TAFA2: variants seen among roughly 807,000 people sequenced by gnomAD.
TAFA2 encodes TAFA chemokine like family member 2.
A neutral mutation model predicts 18.8 loss-of-function variants in TAFA2; 7 were observed. The observed-to-expected ratio is 0.37, with a 90% confidence interval of 0.21 to 0.70. TAFA2 has a LOEUF of 0.70. Among genes scored for constraint, TAFA2 ranks in the 30% least tolerant of loss-of-function variants. The probability of loss-of-function intolerance (pLI) is 0.53; values close to 1 mark genes in which losing one functional copy is unlikely to be tolerated. For synonymous variants in TAFA2, 60 were observed against 54.2 expected, an observed-to-expected ratio of 1.11 and a Z score of -0.47; for missense variants, 122 against 158.1, an observed-to-expected ratio of 0.77 and a Z score of 1.23.
At chr12:61,897,362 C>T (rs1875892360) in intron 1 of TAFA2, among the ~76,000 whole-genome samples, 1 of 152,060 alleles carries the variant, frequency 6.6e-6, no homozygotes, top group African/African-American at 2.4e-5. Flanking sequence ...TCTGTAGGTT[C>T]CGCAACCATG....
intron 1 of TAFA2, among the ~76,000 whole-genome samples, chr12:62,157,902 T>A (rs113652538): frequency 1.6e-4 from 24 of 152,296 alleles, no homozygotes; most frequent in African/African-American, 5.8e-4. Context: ...TCTGTCTTGT[T>A]TAGAGCTCTA....
At chr12:61,768,244 A>G (rs1388469784) in intron 2 of TAFA2, among the ~76,000 whole-genome samples, 1 of 152,164 alleles carries the variant, frequency 6.6e-6, no homozygotes, top group African/African-American at 2.4e-5. Context: ...GCTGAACTTC[A>G]TTAATAGTAA....
At chr12:61,948,462 A>T (rs141896937) in intron 1 of TAFA2, among the ~76,000 whole-genome samples, 3 of 152,306 alleles carry the variant, frequency 2.0e-5, no homozygotes, top group African/African-American at 7.2e-5. Context: ...CAATAATGAG[A>T]CACTCCAAGA....
At chr12:62,174,006 T>C (rs1287368552) in intron 1 of TAFA2, among the ~76,000 whole-genome samples, 2 of 152,106 alleles carry the variant, frequency 1.3e-5, no homozygotes, top group African/African-American at 4.8e-5. Flanking sequence ...AATAAGAAAA[T>C]GTTGGCCAGG....
intron 2 of TAFA2, among the ~76,000 whole-genome samples, chr12:61,782,355 C>A (rs1259285832): frequency 1.3e-5 from 2 of 151,818 alleles, no homozygotes; most frequent in African/African-American, 2.4e-5. Flanking sequence ...ATCTTGGTCC[C>A]CACAACCCCT....
intron 4 of TAFA2, among the ~76,000 whole-genome samples, chr12:61,746,786 A>G (rs1868729899): frequency 6.6e-6 from 1 of 152,148 alleles, no homozygotes; most frequent in Non-Finnish European, 1.5e-5. Flanking sequence ...CTCTGACCAG[A>G]ATTCAGAATA....
In TAFA2 at chr12:62,191,536, T is replaced by C. The variant is rs2062624780; in HGVS notation, c.-279A>G. The C allele has an allele frequency of 6.6e-6, 1 of 152,274 alleles. No homozygotes were observed. The highest frequency in any genetic ancestry group is 2.1e-4 in the South Asian group (1 of 4,842). 9.4% of individuals were successfully genotyped at this position (152,274 alleles called of 1,614,324 possible). A position where few individuals can be genotyped will look rare whatever the true frequency, so the allele number is the denominator to read the frequency against. On this transcript the variant is annotated 5_prime_UTR_variant, in exon 1 of 5. Coordinates refer to ENST00000416284, the MANE Select transcript of TAFA2 (RefSeq NM_178539.5). Reference sequence around the variant, plus strand: ...TCTGACATCCAAGCTGGAATCCCCCTGAAGCGGGTGAAGGTGAGCCTGATC... The same window carrying C: ...TCTGACATCCAAGCTGGAATCCCCCCGAAGCGGGTGAAGGTGAGCCTGATC...
chr12:62,032,307 T>A (rs1881481093), intron 1 of TAFA2, among the ~76,000 whole-genome samples: 1 of 152,196 alleles, frequency 6.6e-6, no homozygotes, highest in Non-Finnish European at 1.5e-5. Flanking sequence ...CTCAATTTCA[T>A]TCAACCCAGA....
At chr12:62,105,649 T>A (rs1055911105) in intron 1 of TAFA2, among the ~76,000 whole-genome samples, 1 of 152,226 alleles carries the variant, frequency 6.6e-6, no homozygotes, top group East Asian at 1.9e-4. Context: ...CTGATACATT[T>A]GGCTGATGAC....
chr12:61,784,558 A>G (rs1388241326), intron 2 of TAFA2, among the ~76,000 whole-genome samples: 1 of 151,568 alleles, frequency 6.6e-6, no homozygotes, highest in African/African-American at 2.4e-5. Flanking sequence ...ACAGTCCAGT[A>G]AAAGGTAAGA....
chr12:61,878,081 A>G (rs1163114145), intron 1 of TAFA2: 5 of 455,468 alleles, frequency 1.1e-5, no homozygotes, highest in Middle Eastern at 3.5e-4. Context: ...TACTTACATG[A>G]GAGATACCTA....
At position 62,018,410 on chromosome 12, in the gene TAFA2, A is replaced by G. The variant is rs1881009525; in HGVS notation, c.-1-150984T>C. ...CACACAAAATCAAGCAAAGGCTTAA[A>G]GACAGTATTTTTTTAATATATCTAG... On this transcript the variant is annotated intron_variant, in intron 1 of 4. Transcript: ENST00000416284. Among the ~76,000 whole-genome samples the G allele has an allele frequency of 2.0e-5, 3 of 152,184 alleles. No homozygotes were observed. In the South Asian group the frequency reaches 6.2e-4, roughly 31 times the overall value.
intron 2 of TAFA2, among the ~76,000 whole-genome samples, chr12:61,851,387 A>T (rs1311448869): frequency 6.6e-6 from 1 of 152,170 alleles, no homozygotes; most frequent in Non-Finnish European, 1.5e-5. Context: ...TGCCAAAAAG[A>T]AGCTCTGGAT....
intron 1 of TAFA2, among the ~76,000 whole-genome samples, chr12:62,016,611 G>A (rs953702434): frequency 1.3e-5 from 2 of 152,116 alleles, no homozygotes; most frequent in African/African-American, 4.8e-5. Context: ...GCATACAACT[G>A]AGGAGAAAAC....
chr12:62,131,584 T>C (rs1307037639), intron 1 of TAFA2, among the ~76,000 whole-genome samples: 4 of 152,040 alleles, frequency 2.6e-5, no homozygotes, highest in Admixed American at 1.3e-4. Context: ...GCCCTGTGTG[T>C]ACTGCACCAA....
intron 2 of TAFA2, among the ~76,000 whole-genome samples, chr12:61,764,262 T>TAGATAGATA (rs1869693427): frequency 1.2e-5 from 1 of 84,682 alleles, no homozygotes; most frequent in African/African-American, 4.3e-5. Context: ...ATAGATAGAT[T>TAGATAGATA]TTTAATGGCA....
intron 1 of TAFA2, chr12:62,253,564 T>G (rs2062924727): frequency 6.6e-6 from 1 of 152,236 alleles, no homozygotes; most frequent in African/African-American, 2.4e-5. Flanking sequence ...ATTTCCTTGT[T>G]CCTTCTAAAT....
chr12:62,186,138 G>A (rs963222641), intron 1 of TAFA2, among the ~76,000 whole-genome samples: 2 of 152,080 alleles, frequency 1.3e-5, no homozygotes, highest in Non-Finnish European at 2.9e-5. Flanking sequence ...CCCAAAGAAA[G>A]TCAAAGTGTT....
chr12:61,790,372 T>C (rs773321227), intron 2 of TAFA2, among the ~76,000 whole-genome samples: 1 of 151,814 alleles, frequency 6.6e-6, no homozygotes, highest in Non-Finnish European at 1.5e-5. Flanking sequence ...GCCAGAGTAA[T>C]GAGGCAACAG....
Sources: allele counts gnomAD v4.1 joint callset (sites outside exome capture counted in the v4.1 genomes callset), GRCh38; gene constraint gnomAD v4.1.1; transcripts MANE v1.5; gene names NCBI Gene and HGNC (gene_info 2026-07-23, HGNC 2026-07-21).